ACOXL: variants seen among roughly 807,000 people sequenced by gnomAD.
ACOXL encodes acyl-coenzyme A oxidase-like protein.
ACOXL carries 70 observed loss-of-function variants against 71.9 expected under a neutral mutation model. The ratio of observed to expected loss-of-function variants is 0.97; its 90% CI spans 0.80 to 1.19. The LOEUF (loss-of-function observed/expected upper bound fraction) is 1.19. ACOXL is among the 50% of genes most tolerant of loss of function. ACOXL has a pLI of 0.00. For synonymous variants in ACOXL, 253 were observed against 281.6 expected (o/e 0.90, Z 1.02); for missense variants, 703 against 736.3 (o/e 0.95, Z 0.52).
At chr2:110,779,277 A>G (rs190925875) in intron 2 of ACOXL, among the ~76,000 whole-genome samples, 153 of 152,328 alleles carry the variant, frequency 1.0e-3, no homozygotes, top group Non-Finnish European at 1.5e-3. Flanking sequence ...CAGCTGGCCT[A>G]CTATGTGGCC....
At position 110,851,972 on chromosome 2, in the gene ACOXL, A is replaced by T. The variant is rs1294018353; in HGVS notation, c.788+10567A>T. Among the ~76,000 whole-genome samples, 14 of 152,108 alleles carry T rather than the reference A, an allele frequency of 9.2e-5. 1 individual carries two copies. The highest frequency in any genetic ancestry group is 9.2e-4 in the Admixed American group (14 of 15,262). ...CGCTGAGTGCAGGGCAGAGAGCAGGACGGAGAGAGAATGAGCTTGGAGGAA... is the reference window on the plus strand; with the variant it reads ...CGCTGAGTGCAGGGCAGAGAGCAGGTCGGAGAGAGAATGAGCTTGGAGGAA... On this transcript the variant is annotated intron_variant, in intron 10 of 17. Coordinates refer to ENST00000439055, the MANE Select transcript of ACOXL (RefSeq NM_001142807.4).
intron 2 of ACOXL, among the ~76,000 whole-genome samples, chr2:110,777,268 G>C (rs912179919): frequency 6.6e-6 from 1 of 152,218 alleles, no homozygotes; most frequent in Non-Finnish European, 1.5e-5. Flanking sequence ...GGAGGCCCAA[G>C]GGTGGAGCCT....
intron 10 of ACOXL, among the ~76,000 whole-genome samples, chr2:110,846,268 G>A (rs1200205271): frequency 1.3e-5 from 2 of 152,152 alleles, no homozygotes; most frequent in East Asian, 1.9e-4. Context: ...AAGAGGGGAT[G>A]AAGGAAAGGG....
intron 15 of ACOXL, among the ~76,000 whole-genome samples, chr2:111,039,390 G>A (rs889923951): frequency 4.1e-5 from 6 of 147,022 alleles, no homozygotes; most frequent in Middle Eastern, 3.5e-3. Flanking sequence ...GCTTTTACTC[G>A]AAACATGAGA....
At chr2:110,888,025 T>G (rs913847932) in intron 10 of ACOXL, 1 of 152,232 alleles carries the variant, frequency 6.6e-6, no homozygotes, top group African/African-American at 2.4e-5. Flanking sequence ...AAAGACTTTC[T>G]CTGCTGATAA....
At chr2:110,827,281 C>CAAAAGAGGGACGGAAAAA (rs1689275190) in intron 9 of ACOXL, among the ~76,000 whole-genome samples, 1 of 152,150 alleles carries the variant, frequency 6.6e-6, no homozygotes. Context: ...GGATAAAAGC[C>CAAAAGAGGGACGGAAAAA]AGGGTGGGGC....
At chr2:110,830,741 G>T (rs1313614501) in intron 9 of ACOXL, among the ~76,000 whole-genome samples, 2 of 152,020 alleles carry the variant, frequency 1.3e-5, no homozygotes, top group East Asian at 3.9e-4. Flanking sequence ...CACTCTGTTA[G>T]CCAGGATGGT....
intron 12 of ACOXL, among the ~76,000 whole-genome samples, chr2:110,977,862 G>A (rs1002870831): frequency 3.9e-5 from 6 of 152,132 alleles, no homozygotes; most frequent in African/African-American, 1.4e-4. Context: ...AACAGATATA[G>A]TCTAAGTAGT....
intron 12 of ACOXL, among the ~76,000 whole-genome samples, chr2:110,969,095 A>G (rs2062064620): frequency 6.6e-6 from 1 of 152,350 alleles, no homozygotes; most frequent in Middle Eastern, 3.4e-3. Context: ...GGAAATTTTA[A>G]TGGAACTTTA....
intron 14 of ACOXL, among the ~76,000 whole-genome samples, chr2:111,030,759 A>C (rs1488935672): frequency 6.6e-6 from 1 of 152,082 alleles, no homozygotes; most frequent in Non-Finnish European, 1.5e-5. Context: ...AAGTTTAAGT[A>C]TTAAACCCAT....
At chr2:110,925,982 CAG>C (rs1295588411) in intron 11 of ACOXL, among the ~76,000 whole-genome samples, 2 of 150,956 alleles carry the variant, frequency 1.3e-5, no homozygotes, top group Admixed American at 6.6e-5. Context: ...AGTTGTGTCT[CAG>C]GGAATAGAGA....
chr2:111,076,822 G>A (rs1213349163), intron 16 of ACOXL, among the ~76,000 whole-genome samples: 7 of 152,152 alleles, frequency 4.6e-5, no homozygotes, highest in Admixed American at 4.6e-4. Context: ...TACCTTTGGA[G>A]GCTTCAGAGA....
At chr2:110,768,575 G>T in intron 2 of ACOXL, 111 bp downstream of exon 2, 2 of 987,420 alleles carry the variant, frequency 2.0e-6, no homozygotes, top group East Asian at 2.6e-5. Context: ...TGTTTAGAGG[G>T]TATATGTGCA....
chr2:110,964,173 A>C (rs1179828678), intron 12 of ACOXL, among the ~76,000 whole-genome samples: 4 of 152,150 alleles, frequency 2.6e-5, no homozygotes, highest in Non-Finnish European at 5.9e-5. Flanking sequence ...GTCCCTTTGC[A>C]TGTTGCTGTT....
At chr2:110,833,064 G>A (rs1368045941) in intron 9 of ACOXL, among the ~76,000 whole-genome samples, 2 of 152,176 alleles carry the variant, frequency 1.3e-5, no homozygotes, top group African/African-American at 4.8e-5. Context: ...TTGTACTCCT[G>A]GGGATTTTCC....
intron 17 of ACOXL, among the ~76,000 whole-genome samples, chr2:111,112,280 C>G (rs750825252): frequency 6.6e-6 from 1 of 152,172 alleles, no homozygotes; most frequent in Non-Finnish European, 1.5e-5. Flanking sequence ...TTCCTGGGAC[C>G]AGGAGACGCA....
At chr2:110,965,441 G>T (rs982271852) in intron 12 of ACOXL, among the ~76,000 whole-genome samples, 1 of 152,058 alleles carries the variant, frequency 6.6e-6, no homozygotes, top group Non-Finnish European at 1.5e-5. Flanking sequence ...TTTTATAGTG[G>T]CTGTACTAAT....
chr2:110,845,397 G>A (rs12476878), intron 10 of ACOXL, among the ~76,000 whole-genome samples: 98,293 of 152,114 alleles, frequency 0.65, 32,423 homozygotes, highest in South Asian at 0.78. Context: ...CACGTTGGCC[G>A]TTAAGTTTCA....
At chr2:110,835,070 G>A (rs1690284938) in intron 9 of ACOXL, among the ~76,000 whole-genome samples, 2 of 152,180 alleles carry the variant, frequency 1.3e-5, no homozygotes, top group Non-Finnish European at 2.9e-5. Flanking sequence ...GGTTAAACAA[G>A]CACCGCCTAG....
Sources: allele counts gnomAD v4.1 joint callset (sites outside exome capture counted in the v4.1 genomes callset), GRCh38; gene constraint gnomAD v4.1.1; transcripts MANE v1.5; gene names NCBI Gene and HGNC (gene_info 2026-07-23, HGNC 2026-07-21).